Variants in NUP153 observed in about 807,000 individuals in gnomAD.
NUP153 encodes the protein nucleoporin 153, also known as nuclear pore complex protein Nup153.
In NUP153, 27 loss-of-function variants were observed where a neutral mutation model predicts 134.6. The observed-to-expected ratio is 0.20, with a 90% CI of 0.15 to 0.28. The LOEUF (loss-of-function observed/expected upper bound fraction) is 0.28, where lower values mean the gene tolerates loss of function less well. Among genes scored for constraint, NUP153 ranks in the 10% least tolerant of loss-of-function variants. NUP153 has a pLI of 1.00. For synonymous variants in NUP153, 640 were observed against 623.5 expected, an observed-to-expected ratio of 1.03 and a Z score of -0.40; for missense variants, 1,821 against 1,731.3, an observed-to-expected ratio of 1.05 and a Z score of -0.92.
intron 5 of NUP153, among the ~76,000 whole-genome samples, chr6:17,672,371 A>G (rs1298616947): frequency 6.6e-6 from 1 of 152,168 alleles, no homozygotes; most frequent in African/African-American, 2.4e-5. Context: ...TGAGCCCAGG[A>G]GTACAACACC....
At position 17,706,156 on chromosome 6, in the gene NUP153, C is replaced by G; in HGVS notation, c.111+121G>C. On this transcript the variant is annotated intron_variant, in intron 1 of 21. Coordinates refer to ENST00000262077, the MANE Select transcript of NUP153 (RefSeq NM_005124.4). The surrounding 1 kb of genome is among the most constrained non-coding windows in gnomAD (Gnocchi z 5.9). ...CGGCCTGAGCTCCCCCGGAGCCTCACTCGGGCCTTTCCTCAGGCCCTCCTG... is the reference window on the plus strand; with the variant it reads ...CGGCCTGAGCTCCCCCGGAGCCTCAGTCGGGCCTTTCCTCAGGCCCTCCTG... The G allele has an allele frequency of 3.8e-6, 3 of 783,706 alleles. No homozygotes were observed. Among genetic ancestry groups the G allele is most frequent in the Non-Finnish European group, 6.3e-6 (3 of 473,330 alleles). The allele number at this position is 783,706 out of a possible 1,614,324, so 48.5% of individuals were successfully genotyped here.
chr6:17,646,410 G>C (rs1054172836), intron 13 of NUP153, among the ~76,000 whole-genome samples: 1 of 152,108 alleles, frequency 6.6e-6, no homozygotes, highest in Non-Finnish European at 1.5e-5. Context: ...GTTTCACTGT[G>C]TTAGCCAGGA....
At chr6:17,645,988 C>G in intron 14 of NUP153, 79 bp downstream of exon 14, 1 of 531,452 alleles carries the variant, frequency 1.9e-6, no homozygotes, top group Non-Finnish European at 3.3e-6. Context: ...ATAAGAATTA[C>G]CAAAGGTGAA....
chr6:17,696,821 C>A (rs1242291315), intron 1 of NUP153, among the ~76,000 whole-genome samples: 1 of 151,550 alleles, frequency 6.6e-6, no homozygotes, highest in Non-Finnish European at 1.5e-5. Context: ...GTCTGTAATC[C>A]CAGCACATTG....
At chr6:17,635,102 ATCT>A (rs1765472642) in intron 16 of NUP153, among the ~76,000 whole-genome samples, 2 of 117,478 alleles carry the variant, frequency 1.7e-5, no homozygotes, top group South Asian at 3.0e-4. Flanking sequence ...AGCTTGGCTT[ATCT>A]TTTTTTTTTT....
rs767128427 is a variant in NUP153 at position 17,669,543 on chromosome 6, G to A, written c.856C>T (p.Pro286Ser). The change falls in exon 6 of 22, where the codon CCA becomes TCA. Residue 286 changes from proline to serine, a missense_variant. Coordinates refer to ENST00000262077, the MANE Select transcript of NUP153 (RefSeq NM_005124.4). ...TTAGCTTTCATTTGTCTTCTAACTGGTGCCTGTAAAGTAAACCCTATATTA... is the reference window on the plus strand; with the variant it reads ...TTAGCTTTCATTTGTCTTCTAACTGATGCCTGTAAAGTAAACCCTATATTA... ...SKLRNTPYQA[P>S]VRRQMKAKQL... 1.1e-5 allele frequency: 17 copies of A among 1,602,672 alleles called. No homozygotes were observed. The highest frequency in any genetic ancestry group is 6.0e-6 in the Non-Finnish European group (7 of 1,169,616).
intron 14 of NUP153, 32 bp from the exon 15 acceptor site, chr6:17,640,096 C>T (rs1050280338): frequency 2.1e-6 from 3 of 1,435,744 alleles, no homozygotes; most frequent in East Asian, 2.5e-5. Context: ...TAACATTATG[C>T]CAAATAAAAC....
At chr6:17,696,339 G>A (rs1397364591) in intron 1 of NUP153, among the ~76,000 whole-genome samples, 1 of 152,182 alleles carries the variant, frequency 6.6e-6, no homozygotes, top group Non-Finnish European at 1.5e-5. Flanking sequence ...TACCAAGGAA[G>A]GCCCAATGTA....
intron 1 of NUP153, among the ~76,000 whole-genome samples, chr6:17,704,122 C>T (rs1459586737): frequency 2.0e-5 from 3 of 152,308 alleles, no homozygotes; most frequent in Admixed American, 6.5e-5. Context: ...GAAACCCCGT[C>T]TCTACTAAAA....
chr6:17,705,571 G>A (rs1360618387), intron 1 of NUP153, among the ~76,000 whole-genome samples: 1 of 151,104 alleles, frequency 6.6e-6, no homozygotes, highest in Non-Finnish European at 1.5e-5. Context: ...AAATAAAGGC[G>A]GGGGTGGCGG....
intron 1 of NUP153, among the ~76,000 whole-genome samples, chr6:17,704,020 C>T (rs1052241594): frequency 1.4e-4 from 22 of 152,288 alleles, no homozygotes; most frequent in East Asian, 1.9e-4. Flanking sequence ...GGGCCGGGCG[C>T]GGTGGCTCAC....
chr6:17,665,987 C>T (rs78030216), intron 8 of NUP153, among the ~76,000 whole-genome samples: 1 of 136,254 alleles, frequency 7.3e-6, no homozygotes, highest in Non-Finnish European at 1.6e-5. Flanking sequence ...ACTCACCTGG[C>T]TTTTTTTTTT....
At chr6:17,665,177 T>C in intron 9 of NUP153, 62 bp downstream of exon 9, 1 of 1,252,314 alleles carries the variant, frequency 8.0e-7, no homozygotes, top group Non-Finnish European at 1.1e-6. Context: ...ATATTTTACA[T>C]TATTTAGTCT....
chr6:17,632,587 T>C lies in NUP153; in HGVS notation c.2659+63A>G, dbSNP rs948667032. 2.3e-6 allele frequency: 3 copies of C among 1,291,660 alleles called. No individual in the cohort carries two copies. The African/African-American group carries it at 4.5e-5, about 19-fold the overall frequency. The allele number at this position is 1,291,660 out of a possible 1,614,324, so 80.0% of individuals were successfully genotyped here. ...CTGAAGCTGTTCTCAAATACTTCAT[T>C]TTTAAATGGCCTTACAAAAAGGCGC... On this transcript the variant is annotated intron_variant, in intron 17 of 21. Coordinates refer to ENST00000262077, the MANE Select transcript of NUP153 (RefSeq NM_005124.4).
At chr6:17,683,122 G>T (rs1240417974) in intron 2 of NUP153, among the ~76,000 whole-genome samples, 1 of 151,968 alleles carries the variant, frequency 6.6e-6, no homozygotes, top group African/African-American at 2.4e-5. Flanking sequence ...GTTATCCATG[G>T]GGGCTGGAAT....
chr6:17,687,814 T>A (rs2113849633), intron 2 of NUP153, among the ~76,000 whole-genome samples: 1 of 152,222 alleles, frequency 6.6e-6, no homozygotes, highest in Non-Finnish European at 1.5e-5. Context: ...TTAAAACACG[T>A]GCTTTAAAGG....
At position 17,669,046 on chromosome 6, in the gene NUP153, CACT is replaced by C. The variant is rs761005555; in HGVS notation, c.1015-21_1015-19del. On this transcript the variant is annotated intron_variant, in intron 7 of 21. Transcript: ENST00000262077. ...TCAAGAGGCTGAAAAAAAAAAAAAA[CACT>C]ATTAGAATAGATGGGGAGTTATGAA... 21 of 1,236,530 alleles carry C rather than the reference CACT, an allele frequency of 1.7e-5. No homozygotes were observed. The highest frequency in any genetic ancestry group is 2.2e-5 in the Non-Finnish European group (20 of 905,214). 76.6% of individuals were successfully genotyped at this position (1,236,530 alleles called of 1,614,324 possible). A position where few individuals can be genotyped will look rare whatever the true frequency, so the allele number is the denominator to read the frequency against.
At position 17,668,967 on chromosome 6, in the gene NUP153, A is replaced by G. The variant is rs1234602331; in HGVS notation, c.1068+8T>C. ...AGTTTAAATAACTAAATGCTAAAGA[A>G]GTTTTACCTTTTCTCTTTTGGCCTG... On this transcript the variant is annotated splice_region_variant and intron_variant, in intron 8 of 21. Coordinates refer to ENST00000262077, the MANE Select transcript of NUP153 (RefSeq NM_005124.4). The G allele has an allele frequency of 1.3e-6, 2 of 1,545,906 alleles. No individual in the cohort carries two copies. Among genetic ancestry groups the G allele is most frequent in the African/African-American group, 2.8e-5 (2 of 70,910 alleles).
intron 14 of NUP153, among the ~76,000 whole-genome samples, chr6:17,641,288 G>A (rs530509555): frequency 1.6e-4 from 25 of 152,182 alleles, no homozygotes; most frequent in African/African-American, 5.3e-4. Context: ...GTAATCCCAA[G>A]GACTTTGGGA....
Sources: gnomAD v4.1 joint callset for allele counts (sites outside exome capture counted in the v4.1 genomes callset) on GRCh38, gnomAD v4.1.1 for gene constraint, Gnocchi (gnomAD v3.1) non-coding constraint, MANE v1.5 for transcripts, NCBI Gene and HGNC (gene_info 2026-07-23, HGNC 2026-07-21) for gene names.